ZBTB5: variants seen among roughly 807,000 people sequenced by gnomAD.
ZBTB5 encodes the protein zinc finger and BTB domain-containing protein 5.
Under a neutral mutation model 37.9 loss-of-function variants are expected in ZBTB5, and 15 were observed. That is an observed-to-expected ratio of 0.40 (90% CI 0.26 to 0.61). The LOEUF (loss-of-function observed/expected upper bound fraction) is 0.61. Among genes scored for constraint, ZBTB5 ranks in the 20% least tolerant of loss-of-function variants. The pLI is 0.47. For missense variants in ZBTB5, 708 were observed against 856.8 expected, an observed-to-expected ratio of 0.83 and a Z score of 2.17; for synonymous variants, 315 against 312.4, an observed-to-expected ratio of 1.01 and a Z score of -0.09.
In ZBTB5 at chr9:37,440,826, G is replaced by A. The variant is rs761035003; in HGVS notation, c.1726C>T (p.Pro576Ser). Residue 576 changes from proline (P) to serine (S), a missense_variant, in exon 2 of 2, where the codon CCT (proline) becomes TCT (serine). Coordinates refer to ENST00000307750, the MANE Select transcript of ZBTB5 (RefSeq NM_014872.3). ...GATSSFENGH[P>S]SQPGPPQLTR... ...AACTGTGGAGGGCCAGGCTGGGAAG[G>A]ATGGCCATTTTCAAATGAGGACGTA... 11 of 1,614,226 alleles carry A rather than the reference G, an allele frequency of 6.8e-6. No individual in the cohort carries two copies. Among genetic ancestry groups the A allele is most frequent in the Non-Finnish European group, 9.3e-6 (11 of 1,180,038 alleles).
intron 1 of ZBTB5, among the ~76,000 whole-genome samples, chr9:37,445,236 G>T (rs929294998): frequency 3.3e-5 from 5 of 152,222 alleles, no homozygotes; most frequent in Admixed American, 6.5e-5. Context: ...CATGGGGGAA[G>T]AGGGTAGAGG....
At chr9:37,448,067 G>A (rs1355842811) in intron 1 of ZBTB5, among the ~76,000 whole-genome samples, 3 of 152,004 alleles carry the variant, frequency 2.0e-5, no homozygotes, top group Admixed American at 1.3e-4. Context: ...CAAGAGCCAG[G>A]GGATCTTTGA....
intron 1 of ZBTB5, among the ~76,000 whole-genome samples, chr9:37,462,852 C>A (rs1354323487): frequency 6.6e-6 from 1 of 152,122 alleles, no homozygotes; most frequent in Non-Finnish European, 1.5e-5. Flanking sequence ...GCGTGAGCCA[C>A]CACACCCGGC....
In ZBTB5 at chr9:37,442,026, G is replaced by C; in HGVS notation, c.526C>G (p.Arg176Gly). ...GGCGTGCGCTGATCCAGGTTACTGC[G>C]CATGGAAGAGCTCATGGGGGCTGGC... ...EQPAPMSSSM[R>G]SNLDQRTPFP... The change falls in exon 2 of 2, where the codon CGC (arginine) becomes GGC (glycine). Residue 176 changes from arginine (R) to glycine (G), a missense_variant. Physicochemically the swap from Arg to Gly is moderately radical, Grantham distance 125 (BLOSUM62 -2). Coordinates refer to ENST00000307750, the MANE Select transcript of ZBTB5 (RefSeq NM_014872.3). 1 of 1,613,820 alleles carries C rather than the reference G, an allele frequency of 6.2e-7. No homozygotes were observed. The highest frequency in any genetic ancestry group is 1.1e-5 in the South Asian group (1 of 91,090).
chr9:37,456,238 AC>A (rs1027178028), intron 1 of ZBTB5, among the ~76,000 whole-genome samples: 24 of 152,184 alleles, frequency 1.6e-4, no homozygotes, highest in African/African-American at 5.5e-4. Flanking sequence ...GCCGTGAGCC[AC>A]CCACCCACCT....
At chr9:37,459,557 C>CT (rs758214270) in intron 1 of ZBTB5, among the ~76,000 whole-genome samples, 282 of 142,146 alleles carry the variant, frequency 2.0e-3, no homozygotes, top group Non-Finnish European at 1.9e-3. Flanking sequence ...GATCAAGAAA[C>CT]TTTTTTTTTT....
chr9:37,445,683 T>C lies in ZBTB5; in HGVS notation c.-4-3128A>G, dbSNP rs184427203. ...AAAAAAGAAATATGGAAGTCAATAG[T>C]GGAAGAAACAGCTGAAATAATTGAA... On this transcript the variant is annotated intron_variant, in intron 1 of 1. Coordinates refer to ENST00000307750, the MANE Select transcript of ZBTB5 (RefSeq NM_014872.3). Among the ~76,000 whole-genome samples the C allele has an allele frequency of 5.2e-4, 79 of 151,014 alleles. 1 individual carries two copies. In the South Asian group the frequency reaches 0.01, roughly 20 times the overall value.
intron 1 of ZBTB5, among the ~76,000 whole-genome samples, chr9:37,458,458 C>T (rs752263519): frequency 4.6e-5 from 7 of 152,158 alleles, no homozygotes; most frequent in Admixed American, 1.3e-4. Flanking sequence ...CTTGAAAGAA[C>T]GAATGACAAA....
At chr9:37,462,267 G>A (rs1824306822) in intron 1 of ZBTB5, among the ~76,000 whole-genome samples, 1 of 152,132 alleles carries the variant, frequency 6.6e-6, no homozygotes, top group South Asian at 2.1e-4. Context: ...TGTCTTCAAG[G>A]AAGGAAAACT....
At chr9:37,444,255 G>T (rs1823936123) in intron 1 of ZBTB5, among the ~76,000 whole-genome samples, 1 of 152,202 alleles carries the variant, frequency 6.6e-6, no homozygotes, top group Admixed American at 6.5e-5. Context: ...CTGGAGTACA[G>T]TGGCGCAATG....
intron 1 of ZBTB5, among the ~76,000 whole-genome samples, chr9:37,452,531 G>C (rs1042234469): frequency 6.6e-6 from 1 of 152,132 alleles, no homozygotes; most frequent in East Asian, 1.9e-4. Context: ...GTTTTAATTA[G>C]GGTTCCCCAG....
At position 37,439,168 on chromosome 9, in the gene ZBTB5, G is replaced by C. The variant is rs1263078006; in HGVS notation, c.*1350C>G. ...CGCATTAACCTGTGCTGTTCCCCTG[G>C]ACGCACACTTGGCCTCATACAGGTG... On this transcript the variant is annotated 3_prime_UTR_variant, in exon 2 of 2. Coordinates refer to ENST00000307750, the MANE Select transcript of ZBTB5 (RefSeq NM_014872.3). 1 of 152,208 alleles carries C rather than the reference G, an allele frequency of 6.6e-6. No homozygotes were observed. The highest frequency in any genetic ancestry group is 1.5e-5 in the Non-Finnish European group (1 of 68,040). The allele number at this position is 152,208 out of a possible 1,614,324, so 9.4% of individuals were successfully genotyped here.
intron 1 of ZBTB5, among the ~76,000 whole-genome samples, chr9:37,464,936 G>T (rs1824363427): frequency 6.6e-6 from 1 of 152,204 alleles, no homozygotes; most frequent in Non-Finnish European, 1.5e-5. Flanking sequence ...CCCCATTCGG[G>T]AACCTACGTC....
chr9:37,461,455 A>G (rs774532047), intron 1 of ZBTB5, among the ~76,000 whole-genome samples: 1 of 152,252 alleles, frequency 6.6e-6, no homozygotes, highest in Non-Finnish European at 1.5e-5. Flanking sequence ...AGCCAGGTGC[A>G]GTGGCTCTCA....
chr9:37,460,292 C>G (rs937470920), intron 1 of ZBTB5, among the ~76,000 whole-genome samples: 2 of 152,054 alleles, frequency 1.3e-5, no homozygotes, highest in Non-Finnish European at 2.9e-5. Flanking sequence ...AAAAAATTAG[C>G]CGGGCATGGT....
chr9:37,440,980 G>A lies in ZBTB5; in HGVS notation c.1572C>T (p.Ser524=), dbSNP rs766300922. 1.9e-6 allele frequency: 3 copies of A among 1,614,182 alleles called. No homozygotes were observed. The highest frequency in any genetic ancestry group is 1.7e-6 in the Non-Finnish European group (2 of 1,180,034). Residue 524 remains serine (S), a synonymous_variant, in exon 2 of 2, where the codon TCC becomes TCT. Transcript: ENST00000307750. The part of the protein sequence containing the change: ...HSSFSRVMIG[S]PRGGASNFPY... ...GAAAGTTACTGGCTCCTCCCCTTGG[G>A]GAACCTATCATTACCCTGGAGAAGG...
Position 37,452,747 on chromosome 9 carries a change from T to C in ZBTB5, c.-4-10192A>G, listed in dbSNP as rs142989219. ...TTGAGCCACCTCAAGGCAAAGGTGC[T>C]GGTCTTTCATAGCCCTGCAGTCACT... On this transcript the variant is annotated intron_variant, in intron 1 of 1. Coordinates refer to ENST00000307750, the MANE Select transcript of ZBTB5 (RefSeq NM_014872.3). Among the ~76,000 whole-genome samples the C allele has an allele frequency of 1.9e-3, 297 of 152,322 alleles. 2 individuals are homozygous for C. The highest frequency in any genetic ancestry group is 6.8e-3 in the African/African-American group (283 of 41,580).
chr9:37,448,008 C>A (rs1229459344), intron 1 of ZBTB5, among the ~76,000 whole-genome samples: 3 of 152,024 alleles, frequency 2.0e-5, no homozygotes, highest in Non-Finnish European at 4.4e-5. Flanking sequence ...AATAAATAAA[C>A]AATTTTTTTA....
chr9:37,453,579 GA>G (rs1299256008), intron 1 of ZBTB5, among the ~76,000 whole-genome samples: 3 of 152,198 alleles, frequency 2.0e-5, no homozygotes, highest in African/African-American at 4.8e-5. Flanking sequence ...TTTTCGGGGA[GA>G]GGGGGTCCCT....
Sources: gnomAD v4.1 joint callset for allele counts (sites outside exome capture counted in the v4.1 genomes callset) on GRCh38, gnomAD v4.1.1 for gene constraint, MANE v1.5 for transcripts, NCBI Gene and HGNC (gene_info 2026-07-23, HGNC 2026-07-21) for gene names.